The following ZNF250 variants were observed in gnomAD, a reference collection of about 807,000 sequenced individuals.
The protein encoded by ZNF250 is zinc finger protein 250.
ZNF250 carries 13 observed loss-of-function variants against 37.1 expected under a neutral mutation model. The ratio of observed to expected loss-of-function variants is 0.35; its 90% confidence interval spans 0.23 to 0.56. The LOEUF (loss-of-function observed/expected upper bound fraction) is 0.56, where lower values mean the gene tolerates loss of function less well. ZNF250 is among the 20% of genes least tolerant of loss of function. ZNF250 has a pLI of 0.87. For missense variants in ZNF250, 474 were observed against 697.9 expected (o/e 0.68, Z 3.61); for synonymous variants, 251 against 265.6 (o/e 0.94, Z 0.54).
Position 144,881,522 on chromosome 8 carries a change from T to C in ZNF250, c.1661A>G (p.Lys554Arg). The change falls in exon 6 of 6, where the codon AAG becomes AGG. Residue 554 changes from lysine (K) to arginine (R), a missense_variant. By Grantham distance (26) the Lys-to-Arg change is conservative. This residue lies in a region of ZNF250 where 282 missense variants were observed against 470.4 expected (regional missense o/e 0.60). Transcript: ENST00000417550. ...HLIQHQKVHR[K>R]L ...TCTTGTGTCAGCCATGGGTCACAACTTTCTGTGCACTTTCTGGTGCTGGAT... is the reference window on the plus strand; with the variant it reads ...TCTTGTGTCAGCCATGGGTCACAACCTTCTGTGCACTTTCTGGTGCTGGAT... The C allele has an allele frequency of 6.3e-7, 1 of 1,586,044 alleles. No homozygotes were observed. The highest frequency in any genetic ancestry group is 8.6e-7 in the Non-Finnish European group (1 of 1,162,076).
chr8:144,891,684 C>T lies in ZNF250; in HGVS notation c.-54-1281G>A, dbSNP rs1832350515. ...CATGACCAACATGGGGAAACCCCGT[C>T]TCTACTAAAAACACAAAATTAGCCG... On this transcript the variant is annotated intron_variant, in intron 1 of 5. Transcript: ENST00000417550. The surrounding 1 kb of genome is among the most constrained non-coding windows in gnomAD (Gnocchi z 4.0). 1.3e-5 allele frequency among the ~76,000 whole-genome samples: 2 copies of T among 152,152 alleles called. No individual in the cohort carries two copies. Among genetic ancestry groups the T allele is most frequent in the African/African-American group, 2.4e-5 (1 of 41,424 alleles).
chr8:144,883,011 T>C (rs759724952), intron 5 of ZNF250, among the ~76,000 whole-genome samples, 175 bp from the exon 6 acceptor site: 3 of 152,140 alleles, frequency 2.0e-5, no homozygotes, highest in Non-Finnish European at 2.9e-5. Context: ...TATCAGAAGA[T>C]AATGTTTCCA....
Position 144,881,304 on chromosome 8 carries a change from CT to C in ZNF250, c.*210del. 1 of 597,030 alleles carries C rather than the reference CT, an allele frequency of 1.7e-6. No homozygotes were observed. The highest frequency in any genetic ancestry group is 2.6e-6 in the Non-Finnish European group (1 of 378,610). The allele number at this position is 597,030 out of a possible 1,614,324, so 37.0% of individuals were successfully genotyped here. ...ATTGTATGATTACTCTCCAACATAA[CT>C]TCAAGATGTTGAGGAAAATAAAACA... On this transcript the variant is annotated 3_prime_UTR_variant, in exon 6 of 6. Coordinates refer to ENST00000417550, the MANE Select transcript of ZNF250 (RefSeq NM_001109689.4).
intron 1 of ZNF250, among the ~76,000 whole-genome samples, chr8:144,900,226 A>G (rs1309398199): frequency 6.6e-6 from 1 of 152,196 alleles, no homozygotes; most frequent in Non-Finnish European, 1.5e-5. Flanking sequence ...CGGGAATGTC[A>G]ATGGCAATCT....
intron 1 of ZNF250, chr8:144,895,242 A>T (rs1563899771): frequency 6.6e-6 from 1 of 152,188 alleles, no homozygotes; most frequent in Non-Finnish European, 1.5e-5. Flanking sequence ...CCTGCTAAAG[A>T]GAAAGATGTA....
chr8:144,883,471 C>G (rs1831647294), intron 5 of ZNF250, among the ~76,000 whole-genome samples: 2 of 151,774 alleles, frequency 1.3e-5, no homozygotes, highest in Non-Finnish European at 2.9e-5. Context: ...TCCTGAGTAA[C>G]TGGGATTACA....
intron 1 of ZNF250, among the ~76,000 whole-genome samples, chr8:144,899,657 C>T (rs1198249341): frequency 1.3e-5 from 2 of 152,168 alleles, no homozygotes; most frequent in Non-Finnish European, 2.9e-5. Flanking sequence ...ATCATATGCA[C>T]ATCAAAGCTA....
Position 144,882,656 on chromosome 8 carries a change from C to G in ZNF250, c.527G>C (p.Ser176Thr). The G allele has an allele frequency of 6.2e-7, 1 of 1,613,992 alleles. No homozygotes were observed. Among genetic ancestry groups the G allele is most frequent in the Non-Finnish European group, 8.5e-7 (1 of 1,179,880 alleles). Residue 176 changes from serine (S) to threonine (T), a missense_variant, in exon 6 of 6, where the codon AGC becomes ACC. By Grantham distance (58) the Ser-to-Thr change is moderately conservative. Around this residue, in one of 2 missense-constraint regions of ZNF250, gnomAD observed 192 missense variants for 227.5 expected, o/e 0.84. Transcript: ENST00000417550. This position sits in a 1 kb window ranked among gnomAD's most constrained non-coding sequence, Gnocchi z 5.5. ...SVDHREVQVLSQSMPLTPHQA... is the reference protein window; with the variant it reads ...SVDHREVQVLTQSMPLTPHQA... ...GTGCGGAGTGAGTGGCATGCTTTGGCTTAAGACCTGAACTTCACGGTGGTC... is the reference window on the plus strand; with the variant it reads ...GTGCGGAGTGAGTGGCATGCTTTGGGTTAAGACCTGAACTTCACGGTGGTC...
intron 5 of ZNF250, among the ~76,000 whole-genome samples, chr8:144,886,009 G>A (rs1200269302): frequency 6.6e-6 from 1 of 151,698 alleles, no homozygotes; most frequent in African/African-American, 2.4e-5. Flanking sequence ...TGTTGTGGGA[G>A]GATTGCTTGA....
chr8:144,878,103 G>A lies in ZNF250; in HGVS notation c.*3412C>T, dbSNP rs1831238710. On this transcript the variant is annotated 3_prime_UTR_variant, in exon 6 of 6. Coordinates refer to ENST00000417550, the MANE Select transcript of ZNF250 (RefSeq NM_001109689.4). ...ATTTTCTCTCAATTAATATTGAGGT[G>A]ACCTCAGGTTTCTGGACTTTCATCT... 6.6e-6 allele frequency: 1 copy of A among 152,180 alleles called. No individual in the cohort carries two copies. The highest frequency in any genetic ancestry group is 1.5e-5 in the Non-Finnish European group (1 of 68,034). 9.4% of individuals were successfully genotyped at this position (152,180 alleles called of 1,614,324 possible). A position where few individuals can be genotyped will look rare whatever the true frequency, so the allele number is the denominator to read the frequency against.
rs1456015718 is a variant in ZNF250 at position 144,882,642 on chromosome 8, G to C, written c.541C>G (p.Leu181Val). 5 of 1,613,902 alleles carry C rather than the reference G, an allele frequency of 3.1e-6. No homozygotes were observed. Among genetic ancestry groups the C allele is most frequent in the Non-Finnish European group, 4.2e-6 (5 of 1,179,910 alleles). The change falls in exon 6 of 6, where the codon CTC (leucine) becomes GTC (valine). Residue 181 changes from leucine to valine, a missense_variant. Coordinates refer to ENST00000417550, the MANE Select transcript of ZNF250 (RefSeq NM_001109689.4). This position sits in a 1 kb window ranked among gnomAD's most constrained non-coding sequence, Gnocchi z 5.5. ...CTAGGCACTGCCTGGTGCGGAGTGA[G>C]TGGCATGCTTTGGCTTAAGACCTGA... The part of the protein sequence containing the change: ...EVQVLSQSMP[L>V]TPHQAVPSGE...
Position 144,882,705 on chromosome 8 carries a change from A to G in ZNF250, c.478T>C (p.Phe160Leu). Residue 160 changes from phenylalanine to leucine, a missense_variant, in exon 6 of 6, where the codon TTC becomes CTC. Physicochemically the swap from Phe to Leu is conservative, Grantham distance 22. This residue lies in a region of ZNF250 where 192 missense variants were observed against 227.5 expected (regional missense o/e 0.84). Transcript: ENST00000417550. This position sits in a 1 kb window ranked among gnomAD's most constrained non-coding sequence, Gnocchi z 5.5. The stretch of plus-strand genomic sequence containing the variant: ...TCAACAGAGTTTGGACTCAGACAGA[A>G]GCTTTGCTTTGTTTCATTATTTTCT... ...DQENNETKQS[F>L]CLSPNSVDHR... 6.2e-7 allele frequency: 1 copy of G among 1,613,982 alleles called. No individual in the cohort carries two copies. Among genetic ancestry groups the G allele is most frequent in the Non-Finnish European group, 8.5e-7 (1 of 1,179,876 alleles).
Position 144,891,998 on chromosome 8 carries a change from T to A in ZNF250, c.-54-1595A>T, listed in dbSNP as rs938250640. 6.6e-6 allele frequency among the ~76,000 whole-genome samples: 1 copy of A among 151,992 alleles called. No homozygotes were observed. Among genetic ancestry groups the A allele is most frequent in the African/African-American group, 2.4e-5 (1 of 41,378 alleles). On this transcript the variant is annotated intron_variant, in intron 1 of 5. Transcript: ENST00000417550. This position sits in a 1 kb window ranked among gnomAD's most constrained non-coding sequence, Gnocchi z 4.0. ...TGAGATCATCTCAGCTGAGACTCTG[T>A]CTCAAAACAAAACAAAAAAAACACA...
chr8:144,889,475 C>T (rs1832153246), intron 4 of ZNF250, 106 bp downstream of exon 4: 2 of 849,950 alleles, frequency 2.4e-6, no homozygotes, highest in Non-Finnish European at 3.7e-6. Flanking sequence ...GGTTTTACTC[C>T]AGGTGGAAGC....
rs1265866529 is a variant in ZNF250, at chr8:144,877,774, A to C, written c.*3741T>G. 6.6e-6 allele frequency: 1 copy of C among 152,238 alleles called. No homozygotes were observed. Among genetic ancestry groups the C allele is most frequent in the Non-Finnish European group, 1.5e-5 (1 of 68,044 alleles). 9.4% of individuals were successfully genotyped at this position (152,238 alleles called of 1,614,324 possible). ...CTCATTTTAAGAATGCAGGAAAAAA[A>C]CTATACTTTTTGGAAGGATTTCCCT... is the stretch of plus-strand genomic sequence containing the variant. On this transcript the variant is annotated 3_prime_UTR_variant, in exon 6 of 6. Coordinates refer to ENST00000417550, the MANE Select transcript of ZNF250 (RefSeq NM_001109689.4).
chr8:144,881,734 G>A lies in ZNF250; in HGVS notation c.1449C>T (p.Phe483=), dbSNP rs767170440. ...GCACAATCAGAGTTGCTTTCAGGCT[G>A]AAGGCTTTGCCACATTCTGTGCACT... ...PFQCTECGKA[F]SLKATLIVHL... Residue 483 remains phenylalanine, a synonymous_variant, in exon 6 of 6, where the codon TTC becomes TTT. Transcript: ENST00000417550. 1 of 1,614,132 alleles carries A rather than the reference G, an allele frequency of 6.2e-7. No homozygotes were observed. Among genetic ancestry groups the A allele is most frequent in the East Asian group, 2.2e-5 (1 of 44,878 alleles).
At chr8:144,886,179 T>C (rs1384041302) in intron 5 of ZNF250, among the ~76,000 whole-genome samples, 1 of 149,762 alleles carries the variant, frequency 6.7e-6, no homozygotes, top group Non-Finnish European at 1.5e-5. Flanking sequence ...TCTTTAATAA[T>C]AAAAACACAG....
Position 144,890,005 on chromosome 8 carries a change from G to A in ZNF250, c.97C>T (p.Arg33Cys), listed in dbSNP as rs756497026. 6 of 1,613,222 alleles carry A rather than the reference G, an allele frequency of 3.7e-6. No individual in the cohort carries two copies. The highest frequency in any genetic ancestry group is 1.7e-5 in the Admixed American group (1 of 59,868). The change falls in exon 3 of 6, where the codon CGC (arginine) becomes TGC (cysteine). Residue 33 changes from arginine to cysteine, a missense_variant. Physicochemically the swap from Arg to Cys is radical, Grantham distance 180. Around this residue, in one of 2 missense-constraint regions of ZNF250, gnomAD observed 192 missense variants for 227.5 expected, o/e 0.84. Coordinates refer to ENST00000417550, the MANE Select transcript of ZNF250 (RefSeq NM_001109689.4). This position sits in a 1 kb window ranked among gnomAD's most constrained non-coding sequence, Gnocchi z 5.1. ...AGACCCCTCTGAGCAGGGCACAGGC[G>A]GTCCCATTCATCCTGGGAGAGGAGC... is the stretch of plus-strand genomic sequence containing the variant. Reference protein sequence around the residue: ...AVLLSQDEWDRLCPAQRGLYR... With the variant: ...AVLLSQDEWDCLCPAQRGLYR...
chr8:144,896,409 G>A (rs1418367342), intron 1 of ZNF250, among the ~76,000 whole-genome samples: 3 of 151,900 alleles, frequency 2.0e-5, no homozygotes, highest in Non-Finnish European at 4.4e-5. Context: ...TTTTAAAAGT[G>A]GTATTAACTA....
Sources: gnomAD v4.1 joint callset for allele counts (sites outside exome capture counted in the v4.1 genomes callset) on GRCh38, gnomAD v4.1.1 for gene constraint, gnomAD v4.1.1 regional missense constraint, Gnocchi (gnomAD v3.1) non-coding constraint, MANE v1.5 for transcripts, NCBI Gene and HGNC (gene_info 2026-07-23, HGNC 2026-07-21) for gene names.